DSG4: variants seen among roughly 807,000 people sequenced by gnomAD.
The protein encoded by DSG4 is desmoglein-4.
In DSG4, 87 loss-of-function variants were observed where a neutral mutation model predicts 93.1. The ratio of observed to expected loss-of-function variants is 0.93; its 90% confidence interval spans 0.79 to 1.12. DSG4 has a LOEUF of 1.12. Ranked by LOEUF, DSG4 falls within the 50% of genes most tolerant of loss-of-function variation. The probability of loss-of-function intolerance (pLI) is 0.00; values close to 1 mark genes in which losing one functional copy is unlikely to be tolerated. For missense variants in DSG4, 1,373 were observed against 1,285.7 expected, an observed-to-expected ratio of 1.07 and a Z score of -1.04; for synonymous variants, 432 against 452.9, an observed-to-expected ratio of 0.95 and a Z score of 0.59.
At chr18:31,382,034 T>C (rs1356762367) in intron 1 of DSG4, among the ~76,000 whole-genome samples, 1 of 152,132 alleles carries the variant, frequency 6.6e-6, no homozygotes, top group Non-Finnish European at 1.5e-5. Flanking sequence ...TTGCCATTAA[T>C]GCAACCTATC....
In DSG4 at chr18:31,409,590, G is replaced by C. The variant is rs751751784; in HGVS notation, c.2072G>C (p.Arg691Thr). ...WRIEGAHPEDRDVSNICAPMT... is the reference protein window; with the variant it reads ...WRIEGAHPEDTDVSNICAPMT... ...ATTGAAGGGGCCCATCCCGAGGACAGGGTAAGTGGACTGTCACTCTCCAGA... is the reference window on the plus strand; with the variant it reads ...ATTGAAGGGGCCCATCCCGAGGACACGGTAAGTGGACTGTCACTCTCCAGA... The change falls in exon 13 of 16, where the codon AGG becomes ACG. Residue 691 changes from arginine (R) to threonine (T), a missense_variant and splice_region_variant. Coordinates refer to ENST00000308128, the MANE Select transcript of DSG4 (RefSeq NM_177986.5). The C allele has an allele frequency of 1.1e-5, 17 of 1,614,218 alleles. No individual in the cohort carries two copies. The highest frequency in any genetic ancestry group is 1.4e-5 in the Non-Finnish European group (17 of 1,180,050).
chr18:31,382,239 T>G (rs2072143290), intron 1 of DSG4: 1 of 152,206 alleles, frequency 6.6e-6, no homozygotes, highest in South Asian at 2.1e-4. Context: ...TGTGTGTGTC[T>G]TTTACTCGGG....
intron 15 of DSG4, among the ~76,000 whole-genome samples, 168 bp from the exon 16 acceptor site, chr18:31,412,660 T>C (rs754070150): frequency 1.3e-5 from 2 of 152,224 alleles, no homozygotes; most frequent in African/African-American, 2.4e-5. Flanking sequence ...ACAAATGCTA[T>C]CACAGAATGT....
intron 11 of DSG4, among the ~76,000 whole-genome samples, chr18:31,405,515 A>G (rs898626400): frequency 6.6e-6 from 1 of 152,122 alleles, no homozygotes; most frequent in African/African-American, 2.4e-5. Context: ...CCTGCATTAT[A>G]GAAGTAGCAA....
Position 31,413,846 on chromosome 18 carries a change from G to A in DSG4, c.*251G>A. ...GTGCAGAAAATGTATTGCATCCCTT[G>A]ATACTGTCTAACGAATAGCACATAA... On this transcript the variant is annotated 3_prime_UTR_variant, in exon 16 of 16. Coordinates refer to ENST00000308128, the MANE Select transcript of DSG4 (RefSeq NM_177986.5). The A allele has an allele frequency of 2.2e-6, 1 of 458,160 alleles. No homozygotes were observed. The highest frequency in any genetic ancestry group is 2.1e-5 in the South Asian group (1 of 46,810). The allele number at this position is 458,160 out of a possible 1,614,324, so 28.4% of individuals were successfully genotyped here. A position where few individuals can be genotyped will look rare whatever the true frequency, so the allele number is the denominator to read the frequency against.
chr18:31,413,269 G>C lies in DSG4; in HGVS notation c.2797G>C (p.Val933Leu). Residue 933 changes from valine to leucine, a missense_variant, in exon 16 of 16, where the codon GTT becomes CTT. Transcript: ENST00000308128. Reference sequence around the variant, plus strand: ...TTTTGATCCTCAGCTTGCACCCAATGTTGTAGTAACCGAAGCAGTAATGGC... The same window carrying C: ...TTTTGATCCTCAGCTTGCACCCAATCTTGTAGTAACCGAAGCAGTAATGGC... ...IIFDPQLAPN[V>L]VVTEAVMAPV... The C allele has an allele frequency of 1.9e-6, 3 of 1,614,156 alleles. No individual in the cohort carries two copies. The South Asian group carries it at 3.3e-5, about 18-fold the overall frequency.
At chr18:31,412,717 C>G in intron 15 of DSG4, 111 bp from the exon 16 acceptor site, 1 of 1,097,730 alleles carries the variant, frequency 9.1e-7, no homozygotes, top group East Asian at 2.5e-5. Flanking sequence ...TACCATTATT[C>G]AGTTTATTCC....
At chr18:31,412,787 G>A in intron 15 of DSG4, 41 bp from the exon 16 acceptor site, 2 of 1,609,178 alleles carry the variant, frequency 1.2e-6, no homozygotes, top group Non-Finnish European at 1.7e-6. Flanking sequence ...TTATTTTAGG[G>A]AAAAAGAAAT....
chr18:31,388,272 A>G (rs2072209565), intron 3 of DSG4, 95 bp from the exon 4 acceptor site: 5 of 1,422,694 alleles, frequency 3.5e-6, no homozygotes, highest in South Asian at 2.4e-5. Context: ...TCCAAAGCCC[A>G]TTTGGTAAAG....
intron 1 of DSG4, among the ~76,000 whole-genome samples, chr18:31,380,401 T>TCCTTCC (rs2072121388): frequency 1.3e-5 from 2 of 152,208 alleles, no homozygotes; most frequent in Non-Finnish European, 2.9e-5. Context: ...CAGTAATGTT[T>TCCTTCC]CCTTCCCTTC....
chr18:31,385,683 C>T (rs570303731), intron 2 of DSG4, among the ~76,000 whole-genome samples: 1 of 152,006 alleles, frequency 6.6e-6, no homozygotes, highest in East Asian at 1.9e-4. Context: ...CCTTATGATC[C>T]CCTCAAATCA....
chr18:31,409,916 G>T, intron 14 of DSG4, 108 bp downstream of exon 14: 4 of 1,270,968 alleles, frequency 3.1e-6, no homozygotes, highest in Non-Finnish European at 4.5e-6. Context: ...GTCTCTTTGG[G>T]TGACAGTATA....
chr18:31,397,884 C>T (rs907263432), intron 8 of DSG4, among the ~76,000 whole-genome samples: 12 of 151,690 alleles, frequency 7.9e-5, no homozygotes, highest in African/African-American at 2.2e-4. Context: ...AAAATTAGCC[C>T]GGTGTGGTGG....
At chr18:31,401,956 C>T (rs1463385572) in intron 10 of DSG4, among the ~76,000 whole-genome samples, 1 of 152,082 alleles carries the variant, frequency 6.6e-6, no homozygotes, top group East Asian at 1.9e-4. Context: ...AATTTTAACG[C>T]CTGGGTCAGT....
chr18:31,412,548 T>G (rs1266267187), intron 15 of DSG4, among the ~76,000 whole-genome samples: 2 of 152,210 alleles, frequency 1.3e-5, no homozygotes, highest in Admixed American at 6.5e-5. Context: ...TCGGCCTGCT[T>G]TATTCTCCAT....
chr18:31,385,924 G>T (rs974532037), intron 2 of DSG4, among the ~76,000 whole-genome samples: 12 of 151,942 alleles, frequency 7.9e-5, no homozygotes, highest in African/African-American at 2.4e-4. Flanking sequence ...AAATAAATAC[G>T]TGCATATATA....
rs1161505316 is a variant in DSG4, at chr18:31,409,515, G to T, written c.1997G>T (p.Arg666Ile). The change falls in exon 13 of 16, where the codon AGA becomes ATA. Residue 666 changes from arginine (R) to isoleucine (I), a missense_variant. Coordinates refer to ENST00000308128, the MANE Select transcript of DSG4 (RefSeq NM_177986.5). ...KQRQPEGLGT[R>I]FAPVPEGGEG... The stretch of plus-strand genomic sequence containing the variant: ...AGACAGCCAGAAGGCCTGGGAACAA[G>T]ATTTGCTCCTGTGCCTGAGGGCGGA... 4 of 1,614,192 alleles carry T rather than the reference G, an allele frequency of 2.5e-6. No homozygotes were observed. The South Asian group carries it at 3.3e-5, about 13-fold the overall frequency.
intron 9 of DSG4, among the ~76,000 whole-genome samples, chr18:31,400,502 G>A (rs112451534): frequency 3.3e-5 from 5 of 151,680 alleles, no homozygotes; most frequent in African/African-American, 1.2e-4. Flanking sequence ...CAACATAGCT[G>A]AAAAGCCACA....
intron 12 of DSG4, among the ~76,000 whole-genome samples, 166 bp downstream of exon 12, chr18:31,406,539 C>T (rs2072429568): frequency 6.6e-6 from 1 of 152,098 alleles, no homozygotes; most frequent in Non-Finnish European, 1.5e-5. Context: ...TGCGCTTAAT[C>T]CACAATGATA....
Sources: allele counts gnomAD v4.1 joint callset (sites outside exome capture counted in the v4.1 genomes callset), GRCh38; gene constraint gnomAD v4.1.1; transcripts MANE v1.5; gene names NCBI Gene and HGNC (gene_info 2026-07-23, HGNC 2026-07-21).